TTC39A: variants seen among roughly 807,000 people sequenced by gnomAD.
The protein encoded by TTC39A is tetratricopeptide repeat domain 39A.
In TTC39A, 46 loss-of-function variants were observed where a neutral mutation model predicts 82.3. The ratio of observed to expected loss-of-function variants is 0.56; its 90% CI spans 0.44 to 0.71. TTC39A has a LOEUF of 0.71. Among genes scored for constraint, TTC39A ranks in the 30% least tolerant of loss-of-function variants. The pLI, the probability that TTC39A is intolerant of heterozygous loss-of-function variation, is 0.00. For missense variants in TTC39A, 543 were observed against 712.9 expected (o/e 0.76, Z 2.71); for synonymous variants, 254 against 275.2 (o/e 0.92, Z 0.76).
intron 6 of TTC39A, among the ~76,000 whole-genome samples, chr1:51,308,871 G>A (rs1254408210): frequency 1.3e-5 from 2 of 152,160 alleles, no homozygotes; most frequent in Non-Finnish European, 2.9e-5. Context: ...GGGTTAAAGA[G>A]GGCTTCATGG....
rs925426373 is a variant in TTC39A, at chr1:51,330,405, C to G, written c.41+32G>C. ...TGCCCGGGCCCCAGCCCGCGCCGCCCGCGCCCCCGGGCCTCCCAGCCGCGC... is the reference window on the plus strand; with the variant it reads ...TGCCCGGGCCCCAGCCCGCGCCGCCGGCGCCCCCGGGCCTCCCAGCCGCGC... On this transcript the variant is annotated intron_variant, in intron 1 of 17. Transcript: ENST00000680483. This position sits in a 1 kb window ranked among gnomAD's most constrained non-coding sequence, Gnocchi z 4.5. 1 of 980,272 alleles carries G rather than the reference C, an allele frequency of 1.0e-6. No homozygotes were observed. Among genetic ancestry groups the G allele is most frequent in the Non-Finnish European group, 1.2e-6 (1 of 827,776 alleles). 60.7% of individuals were successfully genotyped at this position (980,272 alleles called of 1,614,324 possible).
At chr1:51,342,337 C>A (rs1437686609) in intron 1 of TTC39A, among the ~76,000 whole-genome samples, 2 of 152,142 alleles carry the variant, frequency 1.3e-5, no homozygotes, top group Non-Finnish European at 2.9e-5. Context: ...CATAACAGTA[C>A]CGAGAAAGAA....
In TTC39A at chr1:51,288,180, T is replaced by C. The variant is rs199498888; in HGVS notation, c.1711A>G (p.Met571Val). The C allele has an allele frequency of 8.1e-5, 131 of 1,613,944 alleles. No homozygotes were observed. The highest frequency in any genetic ancestry group is 1.6e-4 in the Middle Eastern group (1 of 6,084). The change falls in exon 18 of 18, where the codon ATG becomes GTG. Residue 571 changes from methionine (M) to valine (V), a missense_variant. Coordinates refer to ENST00000680483, the MANE Select transcript of TTC39A (RefSeq NM_001297663.2). The surrounding 1 kb of genome is among the most constrained non-coding windows in gnomAD (Gnocchi z 4.8). ...KSSLENSSRS[M>V]VSSVSL Reference sequence around the variant, plus strand: ...AGCTACAAGGACACTGATGAGACCATGGATCTGCTGCTGTTCTCTAGGGAA... The same window carrying C: ...AGCTACAAGGACACTGATGAGACCACGGATCTGCTGCTGTTCTCTAGGGAA...
Position 51,288,753 on chromosome 1 carries a change from T to C in TTC39A, c.1610+86A>G. On this transcript the variant is annotated intron_variant, in intron 17 of 17. Coordinates refer to ENST00000680483, the MANE Select transcript of TTC39A (RefSeq NM_001297663.2). The surrounding 1 kb of genome is among the most constrained non-coding windows in gnomAD (Gnocchi z 4.8). The stretch of plus-strand genomic sequence containing the variant: ...TGGCCTTGCTAGCAACTCCACTCAC[T>C]GCTCTCTGGGCAACTCTGTCCCCAG... 1 of 1,313,716 alleles carries C rather than the reference T, an allele frequency of 7.6e-7. No homozygotes were observed. The highest frequency in any genetic ancestry group is 1.1e-6 in the Non-Finnish European group (1 of 939,164). 81.4% of individuals were successfully genotyped at this position (1,313,716 alleles called of 1,614,324 possible).
intron 11 of TTC39A, 116 bp downstream of exon 11, chr1:51,302,241 C>CG (rs932741495): frequency 7.7e-6 from 3 of 390,782 alleles, no homozygotes; most frequent in Non-Finnish European, 1.5e-5. Flanking sequence ...TCTCTCTTGG[C>CG]CCCCCCCCCG....
intron 1 of TTC39A, among the ~76,000 whole-genome samples, chr1:51,322,691 CTA>C (rs1306411902): frequency 6.6e-6 from 1 of 152,160 alleles, no homozygotes; most frequent in Non-Finnish European, 1.5e-5. Flanking sequence ...AGAGATGAAA[CTA>C]AGAGATCCCA....
At chr1:51,314,706 T>G (rs1645217964) in intron 2 of TTC39A, among the ~76,000 whole-genome samples, 1 of 151,874 alleles carries the variant, frequency 6.6e-6, no homozygotes, top group Admixed American at 6.6e-5. Flanking sequence ...CTGCCCAGAG[T>G]GGGGGCCAGA....
chr1:51,321,623 A>G lies in TTC39A; in HGVS notation c.146+98T>C. 1.7e-6 allele frequency: 2 copies of G among 1,171,178 alleles called. No individual in the cohort carries two copies. The highest frequency in any genetic ancestry group is 2.7e-5 in the South Asian group (2 of 73,176). The allele number at this position is 1,171,178 out of a possible 1,614,324, so 72.5% of individuals were successfully genotyped here. The stretch of plus-strand genomic sequence containing the variant: ...AGAGGTCCTGGTGACCCAGAAAGCC[A>G]AAGGCATTTAGTTACACAGGGTTCC... On this transcript the variant is annotated intron_variant, in intron 2 of 17. Coordinates refer to ENST00000680483, the MANE Select transcript of TTC39A (RefSeq NM_001297663.2). The surrounding 1 kb of genome is among the most constrained non-coding windows in gnomAD (Gnocchi z 4.6).
chr1:51,311,194 T>A, intron 5 of TTC39A, 60 bp downstream of exon 5: 1 of 1,501,774 alleles, frequency 6.7e-7, no homozygotes. Context: ...TGGGTCATGG[T>A]TGGACGTGGA....
chr1:51,331,120 A>G (rs1016070421), upstream of TTC39A: 98 of 1,346,810 alleles, frequency 7.3e-5, no homozygotes, highest in Non-Finnish European at 1.0e-4. Context: ...AAACTGAGGC[A>G]TGGGGTTCAT....
intron 2 of TTC39A, among the ~76,000 whole-genome samples, chr1:51,315,256 C>T (rs1371143021): frequency 6.6e-6 from 1 of 152,218 alleles, no homozygotes; most frequent in Non-Finnish European, 1.5e-5. Flanking sequence ...ATACTAGCCC[C>T]TCCCCAGCCT....
intron 1 of TTC39A, chr1:51,344,912 C>A: frequency 6.7e-7 from 1 of 1,493,678 alleles, no homozygotes; most frequent in Non-Finnish European, 9.0e-7. Flanking sequence ...TCAGCTGTTT[C>A]CCCGACGTCG....
chr1:51,343,690 A>G (rs954748825), intron 1 of TTC39A, among the ~76,000 whole-genome samples: 4 of 152,244 alleles, frequency 2.6e-5, no homozygotes, highest in African/African-American at 9.6e-5. Flanking sequence ...GTGCTGGCCC[A>G]GCACACAAGT....
At chr1:51,342,529 C>T (rs1469320784) in intron 1 of TTC39A, among the ~76,000 whole-genome samples, 3 of 152,330 alleles carry the variant, frequency 2.0e-5, no homozygotes, top group South Asian at 4.1e-4. Flanking sequence ...TTGAGCACCC[C>T]TCCACATCCC....
Position 51,289,990 on chromosome 1 carries a change from TGCAGAG to T in TTC39A, c.1493+9_1493+14del. ...GAGACTCAGACCCAGAAGGAGCAGC[TGCAGAG>T]GCACTTACTTGGCAGAGATGCTCCT... On this transcript the variant is annotated intron_variant, in intron 16 of 17. Transcript: ENST00000680483. 1 of 1,607,650 alleles carries T rather than the reference TGCAGAG, an allele frequency of 6.2e-7. No homozygotes were observed. Among genetic ancestry groups the T allele is most frequent in the East Asian group, 2.2e-5 (1 of 44,828 alleles).
intron 1 of TTC39A, among the ~76,000 whole-genome samples, chr1:51,342,339 G>A (rs558369910): frequency 1.0e-3 from 156 of 152,184 alleles, no homozygotes; most frequent in African/African-American, 3.6e-3. Flanking sequence ...TAACAGTACC[G>A]AGAAAGAAGT....
chr1:51,289,188 C>T (rs1358530829), intron 16 of TTC39A, among the ~76,000 whole-genome samples: 7 of 152,154 alleles, frequency 4.6e-5, no homozygotes, highest in Non-Finnish European at 1.5e-5. Context: ...ACCTCCCTTT[C>T]TCCAGGTTGA....
Position 51,321,634 on chromosome 1 carries a change from G to T in TTC39A, c.146+87C>A. The T allele has an allele frequency of 7.8e-7, 1 of 1,286,038 alleles. No homozygotes were observed. The highest frequency in any genetic ancestry group is 1.1e-6 in the Non-Finnish European group (1 of 906,886). 79.7% of individuals were successfully genotyped at this position (1,286,038 alleles called of 1,614,324 possible). On this transcript the variant is annotated intron_variant, in intron 2 of 17. Transcript: ENST00000680483. The surrounding 1 kb of genome is among the most constrained non-coding windows in gnomAD (Gnocchi z 4.6). Reference sequence around the variant, plus strand: ...TGACCCAGAAAGCCAAAGGCATTTAGTTACACAGGGTTCCTCTCATACAAG... The same window carrying T: ...TGACCCAGAAAGCCAAAGGCATTTATTTACACAGGGTTCCTCTCATACAAG...
intron 1 of TTC39A, among the ~76,000 whole-genome samples, chr1:51,341,419 C>T (rs1646035309): frequency 6.6e-6 from 1 of 152,122 alleles, no homozygotes; most frequent in East Asian, 1.9e-4. Flanking sequence ...AACCTCAGAT[C>T]ACAGATTTGA....
Sources: gnomAD v4.1 joint callset for allele counts (sites outside exome capture counted in the v4.1 genomes callset) on GRCh38, gnomAD v4.1.1 for gene constraint, Gnocchi (gnomAD v3.1) non-coding constraint, MANE v1.5 for transcripts, NCBI Gene and HGNC (gene_info 2026-07-23, HGNC 2026-07-21) for gene names.